Variants in IFT88 observed in about 807,000 individuals in gnomAD.
IFT88 encodes intraflagellar transport 88, also known as intraflagellar transport protein 88 homolog.
A neutral mutation model predicts 119.5 loss-of-function variants in IFT88; 74 were observed. That is an observed-to-expected ratio of 0.62 (90% CI 0.51 to 0.75). The LOEUF is 0.75. IFT88 is among the 30% of genes least tolerant of loss of function. The pLI is 0.00. For missense variants in IFT88, 961 were observed against 977.7 expected, an observed-to-expected ratio of 0.98 and a Z score of 0.23; for synonymous variants, 279 against 316.7, an observed-to-expected ratio of 0.88 and a Z score of 1.26.
At chr13:20,613,597 G>A (rs2045025215) in intron 13 of IFT88, among the ~76,000 whole-genome samples, 1 of 152,042 alleles carries the variant, frequency 6.6e-6, no homozygotes, top group Non-Finnish European at 1.5e-5. Flanking sequence ...AAAGTAATCA[G>A]AGTATATGTC....
chr13:20,621,533 A>T (rs1273727100), intron 14 of IFT88, among the ~76,000 whole-genome samples: 1 of 15,136 alleles, frequency 6.6e-5, no homozygotes, highest in African/African-American at 1.4e-4. Context: ...AGATAAAAAA[A>T]AAAAAAAAAA....
intron 1 of IFT88, among the ~76,000 whole-genome samples, chr13:20,572,586 T>A (rs1282677734): frequency 6.6e-6 from 1 of 152,206 alleles, no homozygotes; most frequent in East Asian, 1.9e-4. Flanking sequence ...AATAACAGCA[T>A]GCGTATCAAT....
intron 24 of IFT88, among the ~76,000 whole-genome samples, chr13:20,688,216 G>T (rs551801959): frequency 6.6e-6 from 1 of 152,120 alleles, no homozygotes; most frequent in Non-Finnish European, 1.5e-5. Flanking sequence ...GCGTGGTAGC[G>T]CATGCCTGTA....
At chr13:20,649,149 A>G (rs947760065) in intron 20 of IFT88, among the ~76,000 whole-genome samples, 1 of 152,236 alleles carries the variant, frequency 6.6e-6, no homozygotes, top group Non-Finnish European at 1.5e-5. Flanking sequence ...GACTTAAGCA[A>G]TGTATAAACC....
At chr13:20,651,485 A>T (rs2051686937) in intron 20 of IFT88, among the ~76,000 whole-genome samples, 1 of 149,140 alleles carries the variant, frequency 6.7e-6, no homozygotes, top group African/African-American at 2.4e-5. Flanking sequence ...TGATAGTCAA[A>T]AGTAGCCTCA....
In IFT88 at chr13:20,610,592, AG is replaced by A. The variant is rs777243723; in HGVS notation, c.1113-5199del. On this transcript the variant is annotated intron_variant, in intron 13 of 25. Coordinates refer to ENST00000351808, the MANE Select transcript of IFT88 (RefSeq NM_006531.5). The stretch of plus-strand genomic sequence containing the variant: ...TCTGATGTTACTGGAAAAAAAAAAA[AG>A]GAATGAACATCAGTTCTACATTTCT... Among the ~76,000 whole-genome samples the A allele has an allele frequency of 7.7e-4, 117 of 152,062 alleles. 1 individual carries two copies. Among genetic ancestry groups the A allele is most frequent in the Admixed American group, 1.3e-3 (20 of 15,272 alleles).
Position 20,604,938 on chromosome 13 carries a change from A to G in IFT88, c.1042-97A>G. On this transcript the variant is annotated intron_variant, in intron 12 of 25. Transcript: ENST00000351808. ...GCCACTGCACTGCAGCCTGGGCAAT[A>G]GAGTGAGGCTGTATCTCAAAACAAA... The G allele has an allele frequency of 8.6e-6, 5 of 579,298 alleles. No individual in the cohort carries two copies. The South Asian group carries it at 9.1e-5, about 11-fold the overall frequency. The allele number at this position is 579,298 out of a possible 1,614,324, so 35.9% of individuals were successfully genotyped here.
chr13:20,680,590 C>T (rs1005026346), intron 24 of IFT88, among the ~76,000 whole-genome samples: 19 of 152,178 alleles, frequency 1.2e-4, no homozygotes, highest in Non-Finnish European at 1.8e-4. Flanking sequence ...GATTTTCTTC[C>T]GCCATCTGTG....
chr13:20,635,234 G>A (rs76639044), intron 16 of IFT88, among the ~76,000 whole-genome samples: 1,778 of 152,162 alleles, frequency 0.012, 12 homozygotes, highest in South Asian at 0.033. Flanking sequence ...TATAAAACAT[G>A]CTGCAAAAGA....
At chr13:20,624,192 G>T (rs2046964999) in intron 14 of IFT88, among the ~76,000 whole-genome samples, 1 of 152,110 alleles carries the variant, frequency 6.6e-6, no homozygotes, top group South Asian at 2.1e-4. Context: ...TGTATGTCAT[G>T]TCAAGTTTCT....
chr13:20,609,617 GC>G (rs1204642667), intron 13 of IFT88, among the ~76,000 whole-genome samples: 1 of 152,072 alleles, frequency 6.6e-6, no homozygotes, highest in African/African-American at 2.4e-5. Flanking sequence ...GGTGGCACAT[GC>G]CTGTAGTCCT....
chr13:20,606,700 G>T (rs2043536227), intron 13 of IFT88, among the ~76,000 whole-genome samples: 1 of 152,208 alleles, frequency 6.6e-6, no homozygotes, highest in East Asian at 1.9e-4. Flanking sequence ...CCAATATGGT[G>T]AAACCTCATC....
intron 9 of IFT88, 119 bp downstream of exon 9, chr13:20,597,238 T>C: frequency 1.9e-6 from 1 of 533,268 alleles, no homozygotes; most frequent in Non-Finnish European, 3.3e-6. Context: ...CACAATTAGA[T>C]TAATAATAAT....
chr13:20,661,478 G>A (rs1029947126), intron 22 of IFT88, among the ~76,000 whole-genome samples: 7 of 152,214 alleles, frequency 4.6e-5, no homozygotes, highest in African/African-American at 1.7e-4. Flanking sequence ...GCACACGCCT[G>A]TAATCCCAGC....
intron 24 of IFT88, among the ~76,000 whole-genome samples, chr13:20,679,701 T>A (rs2057103779): frequency 6.6e-6 from 1 of 152,226 alleles, no homozygotes; most frequent in Admixed American, 6.5e-5. Context: ...CAGACTGAAC[T>A]GTTGTGAGCC....
chr13:20,636,702 C>T (rs377334083), intron 16 of IFT88, among the ~76,000 whole-genome samples: 16 of 152,386 alleles, frequency 1.0e-4, no homozygotes, highest in East Asian at 7.7e-4. Context: ...GTCCCCAACA[C>T]AGGCCCTCAC....
chr13:20,615,431 C>T (rs1490740129), intron 13 of IFT88, among the ~76,000 whole-genome samples: 1 of 152,192 alleles, frequency 6.6e-6, no homozygotes, highest in East Asian at 1.9e-4. Flanking sequence ...TTACCACACA[C>T]AATTTCTTCA....
chr13:20,657,817 G>T (rs1336534475), intron 22 of IFT88, among the ~76,000 whole-genome samples: 1 of 151,920 alleles, frequency 6.6e-6, no homozygotes, highest in East Asian at 1.9e-4. Flanking sequence ...CAATGACAAT[G>T]AACACAAAAG....
intron 13 of IFT88, among the ~76,000 whole-genome samples, chr13:20,606,219 C>G (rs2043424299): frequency 6.6e-6 from 1 of 152,126 alleles, no homozygotes; most frequent in Non-Finnish European, 1.5e-5. Flanking sequence ...GCCTGGAATT[C>G]CACCCCTACC....
Sources: gnomAD v4.1 joint callset for allele counts (sites outside exome capture counted in the v4.1 genomes callset) on GRCh38, gnomAD v4.1.1 for gene constraint, MANE v1.5 for transcripts, NCBI Gene and HGNC (gene_info 2026-07-23, HGNC 2026-07-21) for gene names.